Variants in CSNK1G3 observed in about 807,000 individuals in gnomAD.
The protein encoded by CSNK1G3 is casein kinase 1 gamma 3.
A neutral mutation model predicts 64.3 loss-of-function variants in CSNK1G3; 23 were observed. That is an observed-to-expected ratio of 0.36 (90% confidence interval 0.26 to 0.51). The LOEUF (loss-of-function observed/expected upper bound fraction) is 0.51, where lower values mean the gene tolerates loss of function less well. Ranked by LOEUF, CSNK1G3 falls within the 20% of genes least tolerant of loss-of-function variation. The pLI is 0.96. For synonymous variants in CSNK1G3, 158 were observed against 162.2 expected, an observed-to-expected ratio of 0.97 and a Z score of 0.20; for missense variants, 357 against 510.5, an observed-to-expected ratio of 0.70 and a Z score of 2.90.
intron 6 of CSNK1G3, among the ~76,000 whole-genome samples, chr5:123,584,486 A>G (rs1790942214): frequency 6.6e-6 from 1 of 152,192 alleles, no homozygotes; most frequent in Non-Finnish European, 1.5e-5. Flanking sequence ...AACCAAACCT[A>G]CATTCCTAGA....
intron 6 of CSNK1G3, among the ~76,000 whole-genome samples, chr5:123,578,091 C>T (rs909436647): frequency 1.3e-5 from 2 of 152,010 alleles, no homozygotes; most frequent in East Asian, 3.9e-4. Flanking sequence ...TCACAAACTG[C>T]TTATCCATTT....
At chr5:123,600,432 C>G (rs1235996814) in intron 10 of CSNK1G3, among the ~76,000 whole-genome samples, 1 of 151,928 alleles carries the variant, frequency 6.6e-6, no homozygotes, top group Non-Finnish European at 1.5e-5. Flanking sequence ...CGAGACCAGC[C>G]TGGCCAACAC....
intron 4 of CSNK1G3, among the ~76,000 whole-genome samples, chr5:123,568,316 T>G (rs1357262851): frequency 6.6e-6 from 1 of 152,052 alleles, no homozygotes; most frequent in Non-Finnish European, 1.5e-5. Flanking sequence ...TTGGTGCAAG[T>G]TTGGCTCTGG....
Position 123,525,258 on chromosome 5 carries a change from G to T in CSNK1G3, c.-248+12688G>T, listed in dbSNP as rs201718722. Reference sequence around the variant, plus strand: ...AATTAGGGAGAATGTTAACATGGGAGAGCCTTGATTAAACGCCTTGCAAGG... The same window carrying T: ...AATTAGGGAGAATGTTAACATGGGATAGCCTTGATTAAACGCCTTGCAAGG... On this transcript the variant is annotated intron_variant, in intron 1 of 12. Coordinates refer to ENST00000345990, the Ensembl canonical transcript of CSNK1G3. Among the ~76,000 whole-genome samples the T allele has an allele frequency of 2.0e-5, 3 of 150,660 alleles. No individual in the cohort carries two copies. The East Asian group carries it at 5.8e-4, about 29-fold the overall frequency.
At chr5:123,549,407 G>C (rs935146044) in intron 2 of CSNK1G3, among the ~76,000 whole-genome samples, 2 of 152,182 alleles carry the variant, frequency 1.3e-5, no homozygotes, top group South Asian at 2.1e-4. Flanking sequence ...CAAAAACTCA[G>C]CTGGGAGCAT....
At chr5:123,535,983 C>T (rs1780732906) in intron 1 of CSNK1G3, among the ~76,000 whole-genome samples, 1 of 151,998 alleles carries the variant, frequency 6.6e-6, no homozygotes, top group South Asian at 2.1e-4. Context: ...CCTTGCTCCT[C>T]TAGGGTTCAT....
chr5:123,608,732 C>T (rs1795792649), intron 12 of CSNK1G3, among the ~76,000 whole-genome samples: 1 of 152,040 alleles, frequency 6.6e-6, no homozygotes, highest in Admixed American at 6.6e-5. Context: ...TAAAGATGTA[C>T]TAATACTTAG....
chr5:123,560,133 A>C (rs1266154891), intron 4 of CSNK1G3, among the ~76,000 whole-genome samples: 1 of 152,162 alleles, frequency 6.6e-6, no homozygotes, highest in Non-Finnish European at 1.5e-5. Flanking sequence ...GCTCAACACC[A>C]CTAATCATTA....
At chr5:123,526,230 T>A (rs1186610252) in intron 1 of CSNK1G3, among the ~76,000 whole-genome samples, 2 of 151,756 alleles carry the variant, frequency 1.3e-5, no homozygotes, top group Non-Finnish European at 1.5e-5. Flanking sequence ...TTATTATTAT[T>A]ATTTTTTTGT....
chr5:123,545,348 G>A (rs1456842288), intron 1 of CSNK1G3, 69 bp from the exon 2 acceptor site: 1 of 195,564 alleles, frequency 5.1e-6, no homozygotes, highest in East Asian at 1.1e-4. Flanking sequence ...CTTTTGTTAT[G>A]TTATCTAATT....
chr5:123,592,935 T>G (rs1248621803), intron 10 of CSNK1G3, among the ~76,000 whole-genome samples: 4 of 151,902 alleles, frequency 2.6e-5, no homozygotes, highest in African/African-American at 9.7e-5. Context: ...AGTTTGTGTT[T>G]TATAAACCAG....
intron 10 of CSNK1G3, among the ~76,000 whole-genome samples, chr5:123,595,961 AT>A (rs1487764327): frequency 4.0e-5 from 6 of 151,896 alleles, no homozygotes; most frequent in South Asian, 4.2e-4. Context: ...TCAATTTAGA[AT>A]TTTTTTTACA....
exon 9 of CSNK1G3, chr5:123,590,464 C>G: frequency 6.6e-7 from 1 of 1,520,516 alleles, no homozygotes; most frequent in Non-Finnish European, 8.8e-7. Context: ...TTTGAAAAAC[C>G]AGACTATGAC....
intron 10 of CSNK1G3, among the ~76,000 whole-genome samples, chr5:123,599,858 A>AT (rs899347822): frequency 3.9e-4 from 58 of 149,322 alleles, no homozygotes; most frequent in African/African-American, 5.4e-4. Context: ...TTATGAATTT[A>AT]TTTTTTTTTT....
intron 10 of CSNK1G3, among the ~76,000 whole-genome samples, chr5:123,595,644 A>T (rs952980335): frequency 6.6e-6 from 1 of 152,120 alleles, no homozygotes; most frequent in Non-Finnish European, 1.5e-5. Context: ...CTTATAGAAA[A>T]TATCAGATGG....
At chr5:123,544,169 T>C (rs1782158765) in intron 1 of CSNK1G3, among the ~76,000 whole-genome samples, 1 of 152,170 alleles carries the variant, frequency 6.6e-6, no homozygotes, top group Non-Finnish European at 1.5e-5. Flanking sequence ...GTACTGCACA[T>C]AGCCCTCTCC....
intron 6 of CSNK1G3, among the ~76,000 whole-genome samples, chr5:123,583,225 ATGCATATTATATATAGGTCT>A (rs146116846): frequency 1.0e-3 from 152 of 152,338 alleles, no homozygotes; most frequent in African/African-American, 3.6e-3. Flanking sequence ...TTTAAACTAT[ATGCATATTATATATAGGTCT>A]TGCATATACA....
At chr5:123,546,864 A>G (rs991448461) in intron 2 of CSNK1G3, among the ~76,000 whole-genome samples, 3 of 152,162 alleles carry the variant, frequency 2.0e-5, no homozygotes, top group African/African-American at 4.8e-5. Flanking sequence ...AAGCAAGCCA[A>G]TAAAAGGCAA....
chr5:123,591,903 C>A (rs1792434670), intron 10 of CSNK1G3, among the ~76,000 whole-genome samples: 1 of 151,994 alleles, frequency 6.6e-6, no homozygotes, highest in Non-Finnish European at 1.5e-5. Flanking sequence ...TATGGCTTGA[C>A]CCTGGGCAAA....
Sources: allele counts gnomAD v4.1 joint callset (sites outside exome capture counted in the v4.1 genomes callset), GRCh38; gene constraint gnomAD v4.1.1; transcripts MANE v1.5; gene names NCBI Gene and HGNC (gene_info 2026-07-23, HGNC 2026-07-21).